Variants in MITF observed in about 807,000 individuals in gnomAD.
MITF encodes microphthalmia-associated transcription factor.
MITF carries 17 observed loss-of-function variants against 60.5 expected under a neutral mutation model. The ratio of observed to expected loss-of-function variants is 0.28; its 90% CI spans 0.19 to 0.42. MITF has a LOEUF of 0.42. Ranked by LOEUF, MITF falls within the 10% of genes least tolerant of loss-of-function variation. The probability of loss-of-function intolerance (pLI) is 1.00; values close to 1 mark genes in which losing one functional copy is unlikely to be tolerated. For missense variants in MITF, 622 were observed against 683.5 expected (o/e 0.91, Z 1.00); for synonymous variants, 260 against 248.5 (o/e 1.05, Z -0.43).
intron 1 of MITF, among the ~76,000 whole-genome samples, chr3:69,826,942 C>T (rs1226422121): frequency 6.6e-6 from 1 of 152,164 alleles, no homozygotes; most frequent in Non-Finnish European, 1.5e-5. Context: ...TTCCCTTCCT[C>T]TCTGCCACAA....
chr3:69,896,006 C>CT (rs2064869121), intron 2 of MITF, among the ~76,000 whole-genome samples: 1 of 152,064 alleles, frequency 6.6e-6, no homozygotes, highest in Admixed American at 6.6e-5. Flanking sequence ...TCCTCCCCCT[C>CT]TCTTTCTCCT....
At chr3:69,859,322 G>A (rs1005825609) in intron 1 of MITF, among the ~76,000 whole-genome samples, 3 of 152,176 alleles carry the variant, frequency 2.0e-5, no homozygotes, top group Admixed American at 1.3e-4. Context: ...CAATGGCATC[G>A]TTGTCTGCAA....
At chr3:69,761,925 A>G (rs929116898) in intron 1 of MITF, among the ~76,000 whole-genome samples, 1 of 152,228 alleles carries the variant, frequency 6.6e-6, no homozygotes, top group African/African-American at 2.4e-5. Flanking sequence ...ATGAACATGT[A>G]GCTCATAACA....
In MITF at chr3:69,966,297, C is replaced by G; in HGVS notation, c.*1049C>G. On this transcript the variant is annotated 3_prime_UTR_variant, in exon 10 of 10. Coordinates refer to ENST00000352241, the MANE Select transcript of MITF (RefSeq NM_001354604.2). ...CTGGTGGTTTTCCGCATTCTTTGTA[C>G]ACCCATGAAAGAAAACTTTTATGCA... 1 of 232,866 alleles carries G rather than the reference C, an allele frequency of 4.3e-6. No homozygotes were observed. The highest frequency in any genetic ancestry group is 8.5e-6 in the Non-Finnish European group (1 of 117,626). The allele number at this position is 232,866 out of a possible 1,614,324, so 14.4% of individuals were successfully genotyped here.
intron 8 of MITF, 124 bp downstream of exon 8, chr3:69,956,654 A>G (rs138723889): frequency 1.2e-5 from 9 of 770,416 alleles, no homozygotes; most frequent in East Asian, 2.7e-5. Flanking sequence ...CTTTGGTTCT[A>G]TTCCTAAATT....
intron 1 of MITF, among the ~76,000 whole-genome samples, chr3:69,853,249 T>A (rs2063856157): frequency 6.6e-6 from 1 of 152,052 alleles, no homozygotes; most frequent in Non-Finnish European, 1.5e-5. Context: ...ATAGATAAGA[T>A]GTGATAAGCA....
chr3:69,753,586 G>A (rs1208744903), intron 1 of MITF, among the ~76,000 whole-genome samples: 2 of 152,232 alleles, frequency 1.3e-5, no homozygotes, highest in African/African-American at 4.8e-5. Flanking sequence ...CAGCTGCAGG[G>A]GCTGAACCCT....
intron 8 of MITF, among the ~76,000 whole-genome samples, 176 bp from the exon 9 acceptor site, chr3:69,959,097 G>A (rs537151239): frequency 5.9e-5 from 9 of 151,768 alleles, no homozygotes; most frequent in African/African-American, 1.2e-4. Context: ...TACCAAAATC[G>A]CAAAAATCAC....
chr3:69,871,143 T>C (rs1200837521), intron 1 of MITF, among the ~76,000 whole-genome samples: 2 of 152,214 alleles, frequency 1.3e-5, no homozygotes, highest in Non-Finnish European at 2.9e-5. Context: ...TAGTCCTCTG[T>C]TCTTTCTTTA....
chr3:69,948,975 T>G, intron 5 of MITF, 76 bp from the exon 6 acceptor site: 1 of 1,042,596 alleles, frequency 9.6e-7, no homozygotes, highest in South Asian at 1.3e-5. Context: ...AATCCTAGAG[T>G]AGGATATAGG....
chr3:69,746,915 G>A (rs1208270144), intron 1 of MITF, among the ~76,000 whole-genome samples: 1 of 152,204 alleles, frequency 6.6e-6, no homozygotes, highest in Non-Finnish European at 1.5e-5. Context: ...TCAATGGTAA[G>A]CTTATTTCTC....
chr3:69,739,787 G>A (rs1021831354), intron 1 of MITF, 86 bp downstream of exon 1: 5 of 1,003,268 alleles, frequency 5.0e-6, no homozygotes, highest in Non-Finnish European at 7.7e-6. Flanking sequence ...GCGGGTCGCG[G>A]GAGCTCTGGG....
Position 69,763,787 on chromosome 3 carries a change from T to C in MITF, c.104+24086T>C, listed in dbSNP as rs576938130. The C allele has an allele frequency of 3.7e-6, 5 of 1,363,996 alleles. No individual in the cohort carries two copies. In the South Asian group the frequency reaches 5.0e-5, roughly 14 times the overall value. 84.5% of individuals were successfully genotyped at this position (1,363,996 alleles called of 1,614,324 possible). A position where few individuals can be genotyped will look rare whatever the true frequency, so the allele number is the denominator to read the frequency against. ...TGCTTCTGACCTAAGTAAAAGCTAA[T>C]GGTTGGCATTAATCTTGGGAATTCA... On this transcript the variant is annotated intron_variant, in intron 1 of 9. Coordinates refer to ENST00000352241, the MANE Select transcript of MITF (RefSeq NM_001354604.2).
At chr3:69,955,862 A>G (rs1239806982) in intron 7 of MITF, among the ~76,000 whole-genome samples, 1 of 152,188 alleles carries the variant, frequency 6.6e-6, no homozygotes, top group African/African-American at 2.4e-5. Flanking sequence ...AAAAGTATAT[A>G]CAACGCAAAT....
intron 2 of MITF, among the ~76,000 whole-genome samples, chr3:69,886,875 T>G (rs530484533): frequency 6.6e-6 from 1 of 152,264 alleles, no homozygotes; most frequent in East Asian, 1.9e-4. Flanking sequence ...GTCACTTATA[T>G]TCTAAAGATC....
Position 69,911,787 on chromosome 3 carries a change from A to G in MITF, c.355-26035A>G, listed in dbSNP as rs1488352365. On this transcript the variant is annotated intron_variant, in intron 2 of 9. Transcript: ENST00000352241. ...GCCTGATAATGGTATGTTTGGAGAG[A>G]AAAGGAAATCAGAACCTTCATACAT... Among the ~76,000 whole-genome samples, 4 of 152,198 alleles carry G rather than the reference A, an allele frequency of 2.6e-5. No individual in the cohort carries two copies. In the East Asian group the frequency reaches 7.7e-4, roughly 29 times the overall value.
chr3:69,879,582 T>C (rs1191038600), intron 2 of MITF, among the ~76,000 whole-genome samples, 199 bp downstream of exon 2: 1 of 152,226 alleles, frequency 6.6e-6, no homozygotes, highest in East Asian at 1.9e-4. Context: ...ATAGTAACAA[T>C]CAGTAAATGG....
At chr3:69,886,806 T>G (rs2064630173) in intron 2 of MITF, among the ~76,000 whole-genome samples, 1 of 152,106 alleles carries the variant, frequency 6.6e-6, no homozygotes, top group Non-Finnish European at 1.5e-5. Flanking sequence ...GTCATCATTA[T>G]GGGTTAAAAA....
intron 1 of MITF, among the ~76,000 whole-genome samples, chr3:69,767,545 A>T (rs1318633519): frequency 6.6e-6 from 1 of 152,124 alleles, no homozygotes; most frequent in Non-Finnish European, 1.5e-5. Context: ...AGATTGCGCC[A>T]CTGCACTCCA....
Sources: allele counts gnomAD v4.1 joint callset (sites outside exome capture counted in the v4.1 genomes callset), GRCh38; gene constraint gnomAD v4.1.1; transcripts MANE v1.5; gene names NCBI Gene and HGNC (gene_info 2026-07-23, HGNC 2026-07-21).